Variants in RNF170 observed in about 807,000 individuals in gnomAD.
RNF170 encodes E3 ubiquitin-protein ligase RNF170.
In RNF170, 12 loss-of-function variants were observed where a neutral mutation model predicts 32.7. That is an observed-to-expected ratio of 0.37 (90% CI 0.24 to 0.60). The LOEUF (loss-of-function observed/expected upper bound fraction) is 0.60, where lower values mean the gene tolerates loss of function less well. Among genes scored for constraint, RNF170 ranks in the 20% least tolerant of loss-of-function variants. RNF170 has a pLI of 0.72. For missense variants in RNF170, 212 were observed against 311.2 expected (o/e 0.68, Z 2.40); for synonymous variants, 91 against 103.6 (o/e 0.88, Z 0.74).
At chr8:42,867,775 C>CAAAAAAAAAAAA (rs1054907767) in intron 4 of RNF170, among the ~76,000 whole-genome samples, 1 of 24,764 alleles carries the variant, frequency 4.0e-5, no homozygotes, top group Non-Finnish European at 7.9e-5. Flanking sequence ...GACTCCATCT[C>CAAAAAAAAAAAA]AAAAAAAAAA....
At chr8:42,890,247 AT>A (rs1482872152) in intron 1 of RNF170, among the ~76,000 whole-genome samples, 1 of 149,204 alleles carries the variant, frequency 6.7e-6, no homozygotes, top group Admixed American at 6.7e-5. Context: ...TTTGACTACT[AT>A]GTGATTATAT....
chr8:42,863,208 A>T (rs1340496960), intron 5 of RNF170, among the ~76,000 whole-genome samples: 1 of 152,078 alleles, frequency 6.6e-6, no homozygotes, highest in African/African-American at 2.4e-5. Flanking sequence ...GGGAACCAAG[A>T]CCTATTATAT....
chr8:42,858,631 A>G (rs946922184), intron 6 of RNF170, among the ~76,000 whole-genome samples: 8 of 152,200 alleles, frequency 5.3e-5, no homozygotes, highest in Non-Finnish European at 1.2e-4. Flanking sequence ...AGCAGGGAAA[A>G]CTTCTCCAAG....
In RNF170 at chr8:42,855,074, G is replaced by C. The variant is rs1408010066; in HGVS notation, c.*1085C>G. ...ACGAAGATTCACCTTCCTCAGAAATGCATCAGGCTACTCTGTGTTTGCAGC... is the reference window on the plus strand; with the variant it reads ...ACGAAGATTCACCTTCCTCAGAAATCCATCAGGCTACTCTGTGTTTGCAGC... On this transcript the variant is annotated 3_prime_UTR_variant, in exon 7 of 7. Coordinates refer to ENST00000527424, the MANE Select transcript of RNF170 (RefSeq NM_030954.4). 7.8e-7 allele frequency: 1 copy of C among 1,287,074 alleles called. No homozygotes were observed. The highest frequency in any genetic ancestry group is 1.5e-5 in the African/African-American group (1 of 65,790). The allele number at this position is 1,287,074 out of a possible 1,614,324, so 79.7% of individuals were successfully genotyped here. A position where few individuals can be genotyped will look rare whatever the true frequency, so the allele number is the denominator to read the frequency against.
chr8:42,856,449 T>C, intron 6 of RNF170, 21 bp from the exon 7 acceptor site: 2 of 1,557,896 alleles, frequency 1.3e-6, no homozygotes, highest in Non-Finnish European at 1.8e-6. Flanking sequence ...GAAAAACAAG[T>C]ATTATGATTC....
intron 2 of RNF170, 27 bp downstream of exon 2, chr8:42,887,701 C>T (rs1355023515): frequency 6.2e-7 from 1 of 1,612,692 alleles, no homozygotes; most frequent in Non-Finnish European, 8.5e-7. Flanking sequence ...TGCAAATCTA[C>T]TCAATTCTTT....
At chr8:42,859,828 T>C (rs1341627123) in intron 6 of RNF170, among the ~76,000 whole-genome samples, 1 of 152,088 alleles carries the variant, frequency 6.6e-6, no homozygotes, top group Admixed American at 6.5e-5. Context: ...TTTGTATTTT[T>C]TGGTAGAGAC....
intron 6 of RNF170, among the ~76,000 whole-genome samples, chr8:42,856,680 A>G (rs932041708): frequency 6.6e-6 from 1 of 152,226 alleles, no homozygotes; most frequent in African/African-American, 2.4e-5. Flanking sequence ...GGATATAGTA[A>G]TGCAAAACTC....
intron 5 of RNF170, 63 bp downstream of exon 5, chr8:42,865,353 A>G: frequency 7.5e-7 from 1 of 1,327,882 alleles, no homozygotes; most frequent in East Asian, 2.3e-5. Context: ...TGTAGATACA[A>G]AAACTATAAA....
At chr8:42,870,563 C>T (rs571201816) in intron 3 of RNF170, among the ~76,000 whole-genome samples, 7 of 151,990 alleles carry the variant, frequency 4.6e-5, no homozygotes, top group South Asian at 2.1e-4. Context: ...CCCATCTCTA[C>T]AAAAAATAGA....
downstream of RNF170, among the ~76,000 whole-genome samples, chr8:42,852,062 C>T (rs577068317): frequency 6.6e-6 from 1 of 152,354 alleles, no homozygotes; most frequent in Non-Finnish European, 1.5e-5. Flanking sequence ...TTTAGGAAAA[C>T]TAGGTTGTCA....
intron 5 of RNF170, among the ~76,000 whole-genome samples, chr8:42,864,460 C>A (rs1279391989): frequency 6.6e-6 from 1 of 152,146 alleles, no homozygotes; most frequent in East Asian, 1.9e-4. Context: ...CAGTGTACAA[C>A]TGACACAATG....
At chr8:42,890,421 G>T (rs542975655) in intron 1 of RNF170, among the ~76,000 whole-genome samples, 1 of 151,918 alleles carries the variant, frequency 6.6e-6, no homozygotes, top group East Asian at 1.9e-4. Flanking sequence ...GGGACTACAG[G>T]CGCCCCCCAC....
chr8:42,889,946 C>T (rs1273801149), intron 1 of RNF170, among the ~76,000 whole-genome samples: 1 of 152,098 alleles, frequency 6.6e-6, no homozygotes, highest in Non-Finnish European at 1.5e-5. Context: ...CAAAGATAAC[C>T]CAAATGTTAT....
At position 42,870,015 on chromosome 8, in the gene RNF170, T is replaced by C; in HGVS notation, c.311A>G (p.His104Arg). The change falls in exon 4 of 7, where the codon CAT becomes CGT. Residue 104 changes from histidine to arginine, a missense_variant. Physicochemically the swap from His to Arg is conservative, Grantham distance 29. Transcript: ENST00000527424. Reference protein sequence around the residue: ...ASFPVETNCGHLFCGACIIAY... With the variant: ...ASFPVETNCGRLFCGACIIAY... ...CGTTGTTTGCTTACCACAAAAAAGA[T>C]GTCCACAGTTGGTCTCCACCGGGAA... The C allele has an allele frequency of 6.2e-7, 1 of 1,612,878 alleles. No individual in the cohort carries two copies. Among genetic ancestry groups the C allele is most frequent in the South Asian group, 1.1e-5 (1 of 91,058 alleles).
intron 5 of RNF170, 102 bp from the exon 6 acceptor site, chr8:42,861,957 T>C (rs1803697490): frequency 2.3e-6 from 3 of 1,280,554 alleles, no homozygotes; most frequent in Non-Finnish European, 3.1e-6. Flanking sequence ...TCTATATTTA[T>C]ATTTCACTCA....
chr8:42,865,098 A>G (rs770512955), intron 5 of RNF170, among the ~76,000 whole-genome samples: 43 of 152,036 alleles, frequency 2.8e-4, no homozygotes, highest in South Asian at 1.0e-3. Context: ...CTTTACTAAA[A>G]ATAAAAAAAT....
chr8:42,850,723 G>A, downstream of RNF170: 1 of 1,545,430 alleles, frequency 6.5e-7, no homozygotes, highest in Non-Finnish European at 8.8e-7. Context: ...GGAGGGGAGG[G>A]TCACTGCCTA....
At chr8:42,887,994 G>T in intron 1 of RNF170, 123 bp from the exon 2 acceptor site, 1 of 853,178 alleles carries the variant, frequency 1.2e-6, no homozygotes, top group Non-Finnish European at 1.9e-6. Flanking sequence ...CTGCAATTAA[G>T]TACAACTCCA....
Sources: gnomAD v4.1 joint callset for allele counts (sites outside exome capture counted in the v4.1 genomes callset) on GRCh38, gnomAD v4.1.1 for gene constraint, MANE v1.5 for transcripts, NCBI Gene and HGNC (gene_info 2026-07-23, HGNC 2026-07-21) for gene names.